The following CLVS1 variants were observed in gnomAD, a reference collection of about 807,000 sequenced individuals.
CLVS1 encodes clavesin 1.
Under a neutral mutation model 33.1 loss-of-function variants are expected in CLVS1, and 10 were observed. That is an observed-to-expected ratio of 0.30 (90% CI 0.19 to 0.51). The LOEUF (loss-of-function observed/expected upper bound fraction) is 0.51. CLVS1 is among the 20% of genes least tolerant of loss of function. CLVS1 has a pLI of 0.97. For missense variants in CLVS1, 343 were observed against 433.4 expected, an observed-to-expected ratio of 0.79 and a Z score of 1.85; for synonymous variants, 163 against 166.1, an observed-to-expected ratio of 0.98 and a Z score of 0.14.
At chr8:61,428,772 C>A (rs748785806) in intron 3 of CLVS1, among the ~76,000 whole-genome samples, 9 of 152,166 alleles carry the variant, frequency 5.9e-5, no homozygotes, top group Non-Finnish European at 1.0e-4. Context: ...CCCTGCAGAA[C>A]CTTTGTACAA....
At chr8:61,069,602 G>A (rs1412652701) in intron 1 of CLVS1, among the ~76,000 whole-genome samples, 1 of 152,040 alleles carries the variant, frequency 6.6e-6, no homozygotes, top group Non-Finnish European at 1.5e-5. Context: ...ACCTTGCCTT[G>A]TGTTTCTGCT....
intron 3 of CLVS1, among the ~76,000 whole-genome samples, chr8:61,435,462 A>ACAATT (rs1049150769): frequency 6.6e-6 from 1 of 152,174 alleles, no homozygotes; most frequent in Admixed American, 6.6e-5. Context: ...ATTCTTCGGC[A>ACAATT]CAATTCAATT....
the CLVS1 span, among the ~76,000 whole-genome samples, chr8:60,988,814 CAT>C: frequency 1.3e-5 from 2 of 152,126 alleles, no homozygotes; most frequent in Non-Finnish European, 2.9e-5. Flanking sequence ...TGTAGGGAAA[CAT>C]GTAAATGTTT....
chr8:61,478,774 T>A (rs1375687831), intron 5 of CLVS1, among the ~76,000 whole-genome samples: 2 of 152,204 alleles, frequency 1.3e-5, no homozygotes, highest in Non-Finnish European at 2.9e-5. Context: ...TTTATCCAAT[T>A]TGCCAGTCTG....
At chr8:61,257,033 C>CATT (rs1170675669) in intron 2 of CLVS1, among the ~76,000 whole-genome samples, 2 of 152,178 alleles carry the variant, frequency 1.3e-5, no homozygotes, top group Admixed American at 1.3e-4. Context: ...TAATGTTCAA[C>CATT]ATTATTTTTC....
chr8:60,994,971 T>G, the CLVS1 span, among the ~76,000 whole-genome samples: 2 of 151,938 alleles, frequency 1.3e-5, no homozygotes, highest in Non-Finnish European at 2.9e-5. Flanking sequence ...TGTAGAAAGC[T>G]GAAACTGGAT....
At chr8:61,045,779 T>A in the CLVS1 span, among the ~76,000 whole-genome samples, 1 of 152,232 alleles carries the variant, frequency 6.6e-6, no homozygotes, top group African/African-American at 2.4e-5. Context: ...AAGAACATAG[T>A]CAGGGTCCTA....
intron 3 of CLVS1, among the ~76,000 whole-genome samples, chr8:61,450,767 T>G (rs1238980090): frequency 6.6e-6 from 1 of 152,202 alleles, no homozygotes; most frequent in African/African-American, 2.4e-5. Flanking sequence ...ATGATCACAT[T>G]TAAAAAGGAC....
chr8:61,286,953 A>G (rs1809794757), upstream of CLVS1, among the ~76,000 whole-genome samples: 1 of 152,236 alleles, frequency 6.6e-6, no homozygotes, highest in Non-Finnish European at 1.5e-5. Context: ...TTTAATAGCT[A>G]TAAACATTAC....
the CLVS1 span, among the ~76,000 whole-genome samples, chr8:61,022,946 G>C: frequency 6.6e-6 from 1 of 152,182 alleles, no homozygotes; most frequent in East Asian, 1.9e-4. Context: ...AGAATGTGAC[G>C]GCTGCATTTT....
intron 2 of CLVS1, among the ~76,000 whole-genome samples, chr8:61,325,147 G>T (rs549090190): frequency 6.6e-6 from 1 of 151,966 alleles, no homozygotes; most frequent in South Asian, 2.1e-4. Flanking sequence ...TGGGCTCCTG[G>T]TTCTCCCCTC....
intron 3 of CLVS1, among the ~76,000 whole-genome samples, chr8:61,391,874 A>G (rs1029309085): frequency 2.0e-5 from 3 of 152,252 alleles, no homozygotes; most frequent in Non-Finnish European, 4.4e-5. Flanking sequence ...TTTATAGCTC[A>G]GAAGCTATAA....
At chr8:61,190,577 A>T (rs565063367) in intron 2 of CLVS1, among the ~76,000 whole-genome samples, 1 of 152,324 alleles carries the variant, frequency 6.6e-6, no homozygotes, top group African/African-American at 2.4e-5. Flanking sequence ...AAATCAATGA[A>T]TCCAGGAGCT....
intron 5 of CLVS1, chr8:61,465,926 G>A (rs7005203): frequency 0.23 from 34,605 of 152,166 alleles, 6,362 homozygotes; most frequent in African/African-American, 0.51. Flanking sequence ...GTCTCCCAAA[G>A]TGCTGGGATT....
chr8:60,998,399 C>G, the CLVS1 span, among the ~76,000 whole-genome samples: 2 of 152,062 alleles, frequency 1.3e-5, no homozygotes, highest in Non-Finnish European at 2.9e-5. Flanking sequence ...CCGGAATACC[C>G]GACTTAAGTT....
chr8:61,145,026 C>T (rs1383819694), intron 2 of CLVS1, among the ~76,000 whole-genome samples: 7 of 152,196 alleles, frequency 4.6e-5, no homozygotes, highest in African/African-American at 9.7e-5. Flanking sequence ...CCACCGCACC[C>T]GGCCAATGAG....
At chr8:61,389,010 T>TATGCAGAGATCAACAC (rs1814195575) in intron 3 of CLVS1, among the ~76,000 whole-genome samples, 1 of 152,218 alleles carries the variant, frequency 6.6e-6, no homozygotes, top group Non-Finnish European at 1.5e-5. Context: ...CATTTTAAGC[T>TATGCAGAGATCAACAC]TCTGCATATG....
chr8:61,109,096 G>C (rs1343752091), intron 1 of CLVS1, among the ~76,000 whole-genome samples: 1 of 152,188 alleles, frequency 6.6e-6, no homozygotes, highest in Admixed American at 6.5e-5. Flanking sequence ...ATCGGGGAGA[G>C]GGATTTGAGG....
At chr8:61,191,107 A>G (rs1223173165) in intron 2 of CLVS1, among the ~76,000 whole-genome samples, 2 of 152,224 alleles carry the variant, frequency 1.3e-5, no homozygotes, top group Non-Finnish European at 2.9e-5. Flanking sequence ...CCTGATGAAC[A>G]TCGATGCAAA....
Sources: gnomAD v4.1 joint callset for allele counts (sites outside exome capture counted in the v4.1 genomes callset) on GRCh38, gnomAD v4.1.1 for gene constraint, MANE v1.5 for transcripts, NCBI Gene and HGNC (gene_info 2026-07-23, HGNC 2026-07-21) for gene names.